The following RBFOX1 variants were observed in gnomAD, a reference collection of about 807,000 sequenced individuals.
RBFOX1 encodes RNA binding fox-1 homolog 1, also known as RNA binding protein fox-1 homolog 1.
RBFOX1 carries 8 observed loss-of-function variants against 57.7 expected under a neutral mutation model. The observed-to-expected ratio is 0.14, with a 90% CI of 0.08 to 0.25. The LOEUF is 0.25. RBFOX1 is among the 10% of genes least tolerant of loss of function. The pLI is 1.00. For missense variants in RBFOX1, 611 were observed against 548.5 expected, an observed-to-expected ratio of 1.11 and a Z score of -1.14; for synonymous variants, 326 against 222.4, an observed-to-expected ratio of 1.47 and a Z score of -4.15.
chr16:5,431,296 A>G (rs141268259), intron 1 of RBFOX1, among the ~76,000 whole-genome samples: 327 of 152,308 alleles, frequency 2.1e-3, no homozygotes, highest in Non-Finnish European at 3.4e-3. Flanking sequence ...TCCAGTGTCT[A>G]TTTCAACCGT....
At chr16:5,681,059 C>T (rs2050316674) in intron 3 of RBFOX1, among the ~76,000 whole-genome samples, 1 of 151,778 alleles carries the variant, frequency 6.6e-6, no homozygotes, top group Middle Eastern at 3.2e-3. Context: ...CAGAAAAGAC[C>T]ACCCCATGAG....
At chr16:6,995,247 A>C (rs1239092118) in intron 3 of RBFOX1, among the ~76,000 whole-genome samples, 2 of 149,776 alleles carry the variant, frequency 1.3e-5, no homozygotes, top group Non-Finnish European at 3.0e-5. Context: ...TACATTAGTC[A>C]AACCTGTATT....
intron 14 of RBFOX1, among the ~76,000 whole-genome samples, chr16:7,679,783 G>C (rs931261459): frequency 4.6e-5 from 7 of 152,008 alleles, no homozygotes; most frequent in Admixed American, 6.6e-5. Context: ...AGCAACCTGA[G>C]AGTCTCTGAA....
At chr16:5,845,193 A>G (rs1268876225) in intron 3 of RBFOX1, among the ~76,000 whole-genome samples, 3 of 151,938 alleles carry the variant, frequency 2.0e-5, no homozygotes, top group Non-Finnish European at 4.4e-5. Context: ...AAATTTTGCC[A>G]TGGAGTCATT....
chr16:6,670,324 T>G (rs568239199), intron 3 of RBFOX1, among the ~76,000 whole-genome samples: 1 of 152,116 alleles, frequency 6.6e-6, no homozygotes, highest in South Asian at 2.1e-4. Flanking sequence ...TCCATCTTGG[T>G]CTCCCAAAAT....
chr16:7,670,294 A>G (rs1206630270), intron 13 of RBFOX1, among the ~76,000 whole-genome samples: 3 of 152,174 alleles, frequency 2.0e-5, no homozygotes, highest in Non-Finnish European at 4.4e-5. Flanking sequence ...GGCCTCCCAA[A>G]GTGCTAGGAT....
chr16:5,441,766 G>A (rs2068092088), intron 1 of RBFOX1, among the ~76,000 whole-genome samples: 2 of 152,136 alleles, frequency 1.3e-5, no homozygotes, highest in Admixed American at 6.5e-5. Flanking sequence ...TCTTCACATG[G>A]CAGCAGGGAG....
At chr16:5,317,523 C>T (rs1234231541) in intron 1 of RBFOX1, among the ~76,000 whole-genome samples, 3 of 152,134 alleles carry the variant, frequency 2.0e-5, no homozygotes, top group Admixed American at 2.0e-4. Flanking sequence ...GAACGAGAAT[C>T]GCTTGAATCT....
At chr16:6,818,194 T>C (rs113866088) in intron 3 of RBFOX1, among the ~76,000 whole-genome samples, 2,782 of 152,264 alleles carry the variant, frequency 0.018, 30 homozygotes, top group African/African-American at 0.037. Flanking sequence ...ATCCTGCTGT[T>C]GGTCCTGTGA....
In RBFOX1 at chr16:7,505,522, C is replaced by T. The variant is rs899125679; in HGVS notation, c.28-12625C>T. ...ATTATCACCTCAGAAGTGGCCATATCCAGGTCTCTGACTTGTACAGAGTAC... is the reference window on the plus strand; with the variant it reads ...ATTATCACCTCAGAAGTGGCCATATTCAGGTCTCTGACTTGTACAGAGTAC... On this transcript the variant is annotated intron_variant, in intron 4 of 15. Transcript: ENST00000550418. Among the ~76,000 whole-genome samples, 6 of 152,328 alleles carry T rather than the reference C, an allele frequency of 3.9e-5. No individual in the cohort carries two copies. The East Asian group carries it at 1.2e-3, about 29-fold the overall frequency.
chr16:6,896,973 C>G (rs1156432838), intron 3 of RBFOX1, among the ~76,000 whole-genome samples: 7 of 152,168 alleles, frequency 4.6e-5, no homozygotes, highest in African/African-American at 2.4e-5. Context: ...GACAGGCCGT[C>G]TAAGGAAATG....
rs372471674 is a variant in RBFOX1 at position 6,397,087 on chromosome 16, AG to A, written c.-64+80032del. ...GATAATATCAAATGTATACAGCTATAGGTACTTGGAGTCCCAGAAAGAGGAA... is the reference window on the plus strand; with the variant it reads ...GATAATATCAAATGTATACAGCTATAGTACTTGGAGTCCCAGAAAGAGGAA... On this transcript the variant is annotated intron_variant, in intron 2 of 15. Coordinates refer to ENST00000550418, the MANE Select transcript of RBFOX1 (RefSeq NM_018723.4). Among the ~76,000 whole-genome samples, 241 of 152,300 alleles carry A rather than the reference AG, an allele frequency of 1.6e-3. 4 individuals carry two copies. The highest frequency in any genetic ancestry group is 5.7e-3 in the African/African-American group (238 of 41,586).
At chr16:5,508,553 G>T (rs1267603930) in intron 2 of RBFOX1, among the ~76,000 whole-genome samples, 2 of 152,152 alleles carry the variant, frequency 1.3e-5, no homozygotes, top group African/African-American at 4.8e-5. Flanking sequence ...TGCACAGAGT[G>T]CCACACCCAA....
chr16:5,402,343 G>A (rs1402950600), intron 1 of RBFOX1, among the ~76,000 whole-genome samples: 2 of 152,196 alleles, frequency 1.3e-5, no homozygotes, highest in African/African-American at 4.8e-5. Flanking sequence ...AGTGCTGGGG[G>A]TCCATGCACG....
chr16:7,442,439 T>G (rs1300519871), intron 4 of RBFOX1, among the ~76,000 whole-genome samples: 2 of 152,154 alleles, frequency 1.3e-5, no homozygotes, highest in African/African-American at 4.8e-5. Context: ...ACCTGCATGC[T>G]GTACAAAATT....
intron 4 of RBFOX1, among the ~76,000 whole-genome samples, chr16:5,961,859 A>G (rs1197894974): frequency 1.3e-5 from 2 of 152,222 alleles, no homozygotes; most frequent in Non-Finnish European, 2.9e-5. Flanking sequence ...TTTATCAGGT[A>G]TAACTGGATT....
intron 4 of RBFOX1, among the ~76,000 whole-genome samples, chr16:5,974,160 C>A (rs1247857909): frequency 6.6e-6 from 1 of 152,170 alleles, no homozygotes; most frequent in Non-Finnish European, 1.5e-5. Flanking sequence ...GTTGTTCTAC[C>A]TCGGATGCAC....
At chr16:6,200,607 A>G (rs578007944) in intron 1 of RBFOX1, among the ~76,000 whole-genome samples, 96 of 152,328 alleles carry the variant, frequency 6.3e-4, no homozygotes, top group Non-Finnish European at 8.7e-4. Flanking sequence ...TGACACATTT[A>G]AAAAAATACA....
chr16:5,833,095 G>C (rs949985060), intron 3 of RBFOX1, among the ~76,000 whole-genome samples: 1 of 152,178 alleles, frequency 6.6e-6, no homozygotes, highest in Middle Eastern at 3.4e-3. Context: ...ACAATGCAAG[G>C]GTCTGGGTAA....
Sources: allele counts gnomAD v4.1 joint callset (sites outside exome capture counted in the v4.1 genomes callset), GRCh38; gene constraint gnomAD v4.1.1; transcripts MANE v1.5; gene names NCBI Gene and HGNC (gene_info 2026-07-23, HGNC 2026-07-21).